Variants in DSCAM observed in about 807,000 individuals in gnomAD.
DSCAM encodes the protein DS cell adhesion molecule.
A neutral mutation model predicts 217.7 loss-of-function variants in DSCAM; 47 were observed. That is an observed-to-expected ratio of 0.22 (90% CI 0.17 to 0.28). The LOEUF (loss-of-function observed/expected upper bound fraction) is 0.28, where lower values mean the gene tolerates loss of function less well. DSCAM is among the 10% of genes least tolerant of loss of function. DSCAM has a pLI of 1.00. For missense variants in DSCAM, 2,080 were observed against 2,618.3 expected (o/e 0.79, Z 4.49); for synonymous variants, 1,056 against 1,015.3 (o/e 1.04, Z -0.76).
chr21:40,124,157 C>T, intron 20 of DSCAM, 38 bp downstream of exon 20: 1 of 1,612,568 alleles, frequency 6.2e-7, no homozygotes, highest in Non-Finnish European at 8.5e-7. Context: ...TCGTCCCTGG[C>T]AGACGCTTGA....
At chr21:40,378,373 G>A (rs1007333564) in intron 3 of DSCAM, among the ~76,000 whole-genome samples, 5 of 152,050 alleles carry the variant, frequency 3.3e-5, no homozygotes, top group African/African-American at 7.2e-5. Context: ...AGGTGGGCAT[G>A]TAAATTGGTG....
chr21:40,827,736 G>T (rs7281495), intron 1 of DSCAM, among the ~76,000 whole-genome samples: 139,519 of 152,170 alleles, frequency 0.92, 64,058 homozygotes, highest in East Asian at 0.96. Context: ...CATTCAAGGG[G>T]GTGATCAGTG....
chr21:40,107,344 C>T (rs545311328), intron 20 of DSCAM, among the ~76,000 whole-genome samples: 14 of 152,028 alleles, frequency 9.2e-5, no homozygotes, highest in Middle Eastern at 3.4e-3. Flanking sequence ...GAGACTGTTA[C>T]GACTTCAGTT....
intron 3 of DSCAM, among the ~76,000 whole-genome samples, chr21:40,458,119 C>A (rs1303788483): frequency 2.6e-5 from 4 of 152,086 alleles, no homozygotes; most frequent in Non-Finnish European, 5.9e-5. Flanking sequence ...ACCCAGTATA[C>A]AACGAAAGAA....
chr21:40,610,012 A>C (rs982558679), intron 3 of DSCAM, among the ~76,000 whole-genome samples: 4 of 152,228 alleles, frequency 2.6e-5, no homozygotes, highest in African/African-American at 9.6e-5. Flanking sequence ...TCATAGGGAG[A>C]CGGACTATTT....
chr21:40,275,963 C>G (rs1287920663), intron 11 of DSCAM, 134 bp downstream of exon 11: 1 of 926,162 alleles, frequency 1.1e-6, no homozygotes, highest in African/African-American at 1.7e-5. Context: ...AAACTTTAAA[C>G]CCAGCTATAT....
intron 3 of DSCAM, among the ~76,000 whole-genome samples, chr21:40,440,772 T>C (rs1218271189): frequency 3.7e-3 from 315 of 85,006 alleles, no homozygotes; most frequent in East Asian, 0.011. Flanking sequence ...CTGAGCAACG[T>C]AGCCTCAGGG....
intron 3 of DSCAM, among the ~76,000 whole-genome samples, chr21:40,654,865 A>G (rs1203573255): frequency 6.6e-6 from 1 of 151,862 alleles, no homozygotes; most frequent in Non-Finnish European, 1.5e-5. Context: ...TGAAATATTC[A>G]CCTTCCAGAA....
At position 40,183,245 on chromosome 21, in the gene DSCAM, G is replaced by A. The variant is rs981972774; in HGVS notation, c.2779+3886C>T. Reference sequence around the variant, plus strand: ...GCAACAAACTGCAGACGAATCTGCTGGAGGTCCCCAGACAATATGCTCGAA... The same window carrying A: ...GCAACAAACTGCAGACGAATCTGCTAGAGGTCCCCAGACAATATGCTCGAA... On this transcript the variant is annotated intron_variant, in intron 14 of 32. Transcript: ENST00000400454. Among the ~76,000 whole-genome samples the A allele has an allele frequency of 3.9e-5, 6 of 152,310 alleles. No homozygotes were observed. The East Asian group carries it at 5.8e-4, about 15-fold the overall frequency.
At chr21:40,197,528 TTTAG>T (rs143892429) in intron 11 of DSCAM, among the ~76,000 whole-genome samples, 1,799 of 152,324 alleles carry the variant, frequency 0.012, 35 homozygotes, top group African/African-American at 0.041. Context: ...TTCTATTTTA[TTTAG>T]TAAGTTTATT....
chr21:40,540,921 T>C (rs890162486), intron 3 of DSCAM, among the ~76,000 whole-genome samples: 1 of 152,078 alleles, frequency 6.6e-6, no homozygotes, highest in African/African-American at 2.4e-5. Context: ...AAAGATGGGG[T>C]TTCGCTGTGT....
chr21:40,376,579 C>A (rs1346803901), intron 3 of DSCAM, among the ~76,000 whole-genome samples: 1 of 69,278 alleles, frequency 1.4e-5, no homozygotes, highest in Non-Finnish European at 3.2e-5. Flanking sequence ...ATATCGATAT[C>A]TATATATCTT....
chr21:40,731,842 C>A (rs960324105), intron 1 of DSCAM, among the ~76,000 whole-genome samples: 1 of 150,724 alleles, frequency 6.6e-6, no homozygotes, highest in Non-Finnish European at 1.5e-5. Context: ...GATTCTCCTG[C>A]CTCAGCCTCC....
At chr21:40,336,550 T>C (rs969635267) in intron 8 of DSCAM, among the ~76,000 whole-genome samples, 1 of 152,206 alleles carries the variant, frequency 6.6e-6, no homozygotes, top group African/African-American at 2.4e-5. Flanking sequence ...TGATCAACTT[T>C]TTATGTTACA....
intron 32 of DSCAM, 84 bp from the exon 33 acceptor site, chr21:40,013,470 G>A: frequency 9.7e-7 from 1 of 1,035,748 alleles, no homozygotes; most frequent in Non-Finnish European, 1.3e-6. Context: ...GGGAAGCCAT[G>A]CGGGCTTTAG....
At chr21:40,305,376 C>T (rs2074061349) in intron 9 of DSCAM, among the ~76,000 whole-genome samples, 1 of 111,588 alleles carries the variant, frequency 9.0e-6, no homozygotes, top group Admixed American at 1.1e-4. Context: ...GGTGACAGAG[C>T]AAGATCCCGT....
intron 3 of DSCAM, among the ~76,000 whole-genome samples, chr21:40,482,879 T>G (rs553930320): frequency 3.9e-5 from 6 of 152,340 alleles, no homozygotes; most frequent in African/African-American, 1.4e-4. Context: ...GATGTGTGCT[T>G]GAACATGAGG....
At chr21:40,171,232 C>T (rs2090653897) in intron 15 of DSCAM, among the ~76,000 whole-genome samples, 2 of 152,114 alleles carry the variant, frequency 1.3e-5, no homozygotes, top group South Asian at 4.1e-4. Context: ...TGTGTGCCAC[C>T]ACGCCTGGCT....
At chr21:40,846,256 C>T (rs921109737) in intron 1 of DSCAM, among the ~76,000 whole-genome samples, 6 of 152,080 alleles carry the variant, frequency 3.9e-5, no homozygotes, top group Non-Finnish European at 7.3e-5. Context: ...AATGTCACAT[C>T]CCTTTCCAGG....
Sources: allele counts gnomAD v4.1 joint callset (sites outside exome capture counted in the v4.1 genomes callset), GRCh38; gene constraint gnomAD v4.1.1; transcripts MANE v1.5; gene names NCBI Gene and HGNC (gene_info 2026-07-23, HGNC 2026-07-21).